MROH7: variants seen among roughly 807,000 people sequenced by gnomAD.
MROH7 encodes the protein maestro heat like repeat family member 7, also known as maestro heat-like repeat-containing protein family member 7.
Under a neutral mutation model 129.2 loss-of-function variants are expected in MROH7, and 113 were observed. That is an observed-to-expected ratio of 0.87 (90% CI 0.75 to 1.02). The LOEUF (loss-of-function observed/expected upper bound fraction) is 1.02, where lower values mean the gene tolerates loss of function less well. MROH7 is among the 50% of genes least tolerant of loss of function. MROH7 has a pLI of 0.00. For missense variants in MROH7, 1,601 were observed against 1,671.3 expected (o/e 0.96, Z 0.73); for synonymous variants, 655 against 667.9 (o/e 0.98, Z 0.30).
chr1:54,647,566 C>T (rs974977056), intron 1 of MROH7, among the ~76,000 whole-genome samples: 10 of 151,948 alleles, frequency 6.6e-5, no homozygotes, highest in Non-Finnish European at 1.3e-4. Flanking sequence ...ATGATGAAAC[C>T]CCGTCGCTAC....
chr1:54,674,441 C>G (rs1400914342), intron 10 of MROH7, among the ~76,000 whole-genome samples: 1 of 152,168 alleles, frequency 6.6e-6, no homozygotes, highest in Non-Finnish European at 1.5e-5. Context: ...ACTATGTATA[C>G]CTAAGGATAA....
In MROH7 at chr1:54,706,510, C is replaced by A; in HGVS notation, c.3640C>A (p.Leu1214Ile). The A allele has an allele frequency of 1.2e-6, 2 of 1,613,612 alleles. No individual in the cohort carries two copies. Among genetic ancestry groups the A allele is most frequent in the Non-Finnish European group, 1.7e-6 (2 of 1,179,926 alleles). Reference protein sequence around the residue: ...LEYAKNSRASLRKCSVMFIGS... With the variant: ...LEYAKNSRASIRKCSVMFIGS... Reference sequence around the variant, plus strand: ...GTATGCCAAGAACTCACGGGCCTCCCTCCGGAAGTGCTCAGTCATGTTCAT... The same window carrying A: ...GTATGCCAAGAACTCACGGGCCTCCATCCGGAAGTGCTCAGTCATGTTCAT... The change falls in exon 22 of 24, where the codon CTC becomes ATC. Residue 1214 changes from leucine (L) to isoleucine (I), a missense_variant. Physicochemically the swap from Leu to Ile is conservative, Grantham distance 5 (BLOSUM62 2). Coordinates refer to ENST00000421030, the MANE Select transcript of MROH7 (RefSeq NM_001039464.4).
Position 54,673,059 on chromosome 1 carries a change from C to G in MROH7, c.1600-32C>G, listed in dbSNP as rs780091582. The G allele has an allele frequency of 8.4e-6, 13 of 1,549,954 alleles. No homozygotes were observed. In the East Asian group the frequency reaches 2.5e-4, roughly 29 times the overall value. On this transcript the variant is annotated intron_variant, in intron 7 of 23. Transcript: ENST00000421030. The stretch of plus-strand genomic sequence containing the variant: ...GGGGCTGGTGTCCGCTCCAGAGGTG[C>G]CTTAGTGGCTTGGTCCTCCTCCCAT...
intron 21 of MROH7, among the ~76,000 whole-genome samples, chr1:54,705,893 T>A (rs1044108375): frequency 1.3e-5 from 2 of 152,174 alleles, no homozygotes; most frequent in African/African-American, 4.8e-5. Flanking sequence ...GCTCCTTAGC[T>A]GGACAACTGT....
intron 21 of MROH7, among the ~76,000 whole-genome samples, chr1:54,705,896 A>T (rs145822031): frequency 7.9e-4 from 120 of 152,292 alleles, no homozygotes; most frequent in African/African-American, 2.7e-3. Context: ...CCTTAGCTGG[A>T]CAACTGTCTC....
chr1:54,654,289 A>G (rs1644606967), intron 3 of MROH7, 132 bp downstream of exon 3: 3 of 906,966 alleles, frequency 3.3e-6, no homozygotes, highest in Non-Finnish European at 1.6e-6. Context: ...TATTAATTCT[A>G]TACTAGACAT....
intron 17 of MROH7, among the ~76,000 whole-genome samples, chr1:54,696,588 G>T (rs937508826): frequency 6.7e-6 from 1 of 149,134 alleles, no homozygotes; most frequent in African/African-American, 2.5e-5. Context: ...GTCCTTTTGT[G>T]CCTGGCTGTT....
At chr1:54,671,323 C>T (rs974588646) in intron 7 of MROH7, among the ~76,000 whole-genome samples, 2 of 152,202 alleles carry the variant, frequency 1.3e-5, no homozygotes, top group South Asian at 2.1e-4. Flanking sequence ...TGGCTGGAAC[C>T]CGGGAGGCAG....
chr1:54,701,119 A>G (rs753067638), intron 18 of MROH7, 24 bp from the exon 19 acceptor site: 35 of 1,611,526 alleles, frequency 2.2e-5, no homozygotes, highest in Non-Finnish European at 2.5e-6. Flanking sequence ...AGGAGCCCTC[A>G]TCCCAAATGC....
At chr1:54,642,317 C>T (rs1644401138) in intron 1 of MROH7, among the ~76,000 whole-genome samples, 1 of 152,188 alleles carries the variant, frequency 6.6e-6, no homozygotes, top group African/African-American at 2.4e-5. Flanking sequence ...GGGCATCTGT[C>T]CAGGTCCACA....
chr1:54,646,708 A>AG (rs1323654249), intron 1 of MROH7, among the ~76,000 whole-genome samples: 3 of 152,192 alleles, frequency 2.0e-5, no homozygotes, highest in Admixed American at 2.0e-4. Context: ...TGTGTTCATA[A>AG]GGTTGTGTAA....
At chr1:54,694,991 C>T (rs898382258) in intron 16 of MROH7, among the ~76,000 whole-genome samples, 13 of 152,192 alleles carry the variant, frequency 8.5e-5, no homozygotes, top group African/African-American at 2.7e-4. Context: ...CAACCTGCTT[C>T]GAAGGATCAG....
At chr1:54,678,496 G>A (rs568493537) in intron 10 of MROH7, among the ~76,000 whole-genome samples, 1 of 152,242 alleles carries the variant, frequency 6.6e-6, no homozygotes, top group Admixed American at 6.5e-5. Flanking sequence ...ATCTCTCTAA[G>A]GGTTGAGAAA....
chr1:54,692,281 C>CT, intron 15 of MROH7, 143 bp from the exon 16 acceptor site: 6 of 1,016,124 alleles, frequency 5.9e-6, no homozygotes, highest in Non-Finnish European at 8.6e-6. Context: ...AAAAGCCACC[C>CT]TTTGTGGATA....
chr1:54,690,160 C>G (rs1007365115), intron 15 of MROH7, among the ~76,000 whole-genome samples: 1 of 152,152 alleles, frequency 6.6e-6, no homozygotes, highest in Non-Finnish European at 1.5e-5. Context: ...AGAGCCACCC[C>G]ACCACCCACA....
chr1:54,678,122 C>A (rs1308656121), intron 10 of MROH7, among the ~76,000 whole-genome samples: 1 of 152,152 alleles, frequency 6.6e-6, no homozygotes, highest in African/African-American at 2.4e-5. Context: ...CCGTTGATTT[C>A]CCATCATAGA....
At position 54,670,517 on chromosome 1, in the gene MROH7, A is replaced by G. The variant is rs745322625; in HGVS notation, c.1410A>G (p.Pro470=). The G allele has an allele frequency of 6.2e-6, 10 of 1,613,786 alleles. No homozygotes were observed. The Admixed American group carries it at 1.7e-4, about 27-fold the overall frequency. The change falls in exon 6 of 24, where the codon CCA becomes CCG. Residue 470 remains proline, a synonymous_variant. Coordinates refer to ENST00000421030, the MANE Select transcript of MROH7 (RefSeq NM_001039464.4). ...TCCAGAGGCAGATCCAGGAGGAGCC[A>G]CTGGATTCTCTCTCAAGCTCCGTCC... ...KKIMRQIQEE[P]LDSLSSSVRK...
At chr1:54,685,820 G>A (rs1388657223) in intron 14 of MROH7, among the ~76,000 whole-genome samples, 3 of 152,164 alleles carry the variant, frequency 2.0e-5, no homozygotes, top group Non-Finnish European at 4.4e-5. Flanking sequence ...TTGTGAATGA[G>A]GAAGAGGCAC....
At chr1:54,702,828 C>T (rs1645462405) in intron 21 of MROH7, 83 bp downstream of exon 21, 1 of 1,467,578 alleles carries the variant, frequency 6.8e-7, no homozygotes, top group African/African-American at 1.4e-5. Flanking sequence ...CCTTCTTTTC[C>T]CACCAGCATC....
Sources: allele counts gnomAD v4.1 joint callset (sites outside exome capture counted in the v4.1 genomes callset), GRCh38; gene constraint gnomAD v4.1.1; transcripts MANE v1.5; gene names NCBI Gene and HGNC (gene_info 2026-07-23, HGNC 2026-07-21).